PRSS54: variants seen among roughly 807,000 people sequenced by gnomAD.
PRSS54 encodes serine protease 54.
Under a neutral mutation model 19.9 loss-of-function variants are expected in PRSS54, and 16 were observed. The observed-to-expected ratio is 0.80, with a 90% CI of 0.54 to 1.22. PRSS54 has a LOEUF of 1.22. Among genes scored for constraint, PRSS54 ranks in the 50% most tolerant of loss-of-function variants. PRSS54 has a pLI of 0.00. For synonymous variants in PRSS54, 177 were observed against 195.8 expected, an observed-to-expected ratio of 0.90 and a Z score of 0.80; for missense variants, 444 against 494.8, an observed-to-expected ratio of 0.90 and a Z score of 0.97.
chr16:58,286,730 A>T (rs1412366845), intron 4 of PRSS54, among the ~76,000 whole-genome samples: 2 of 152,206 alleles, frequency 1.3e-5, no homozygotes, highest in East Asian at 3.8e-4. Flanking sequence ...AATGAGGAAC[A>T]AATACAAACA....
chr16:58,282,393 C>G (rs1449743391), intron 6 of PRSS54: 1 of 152,284 alleles, frequency 6.6e-6, no homozygotes, highest in African/African-American at 2.4e-5. Context: ...CCGCCTCGCC[C>G]TCTCAAAGTG....
chr16:58,290,857 C>T (rs899006972), intron 4 of PRSS54, 102 bp downstream of exon 4: 21 of 1,320,254 alleles, frequency 1.6e-5, no homozygotes, highest in Non-Finnish European at 1.9e-5. Context: ...CCTGTCCCCC[C>T]AGAATGCACC....
chr16:58,291,627 G>A (rs1031979695), intron 3 of PRSS54, among the ~76,000 whole-genome samples: 4 of 151,848 alleles, frequency 2.6e-5, no homozygotes, highest in East Asian at 3.9e-4. Context: ...GACTACAGGC[G>A]CCTGCCACTA....
chr16:58,289,594 T>C (rs11864771), intron 4 of PRSS54, among the ~76,000 whole-genome samples: 15,455 of 149,704 alleles, frequency 0.1, 880 homozygotes, highest in Admixed American at 0.13. Flanking sequence ...TTTTTGGACA[T>C]GGAATCTCGC....
At chr16:58,288,956 C>T (rs28463878) in intron 4 of PRSS54, among the ~76,000 whole-genome samples, 18,414 of 152,092 alleles carry the variant, frequency 0.12, 1,145 homozygotes, top group Non-Finnish European at 0.15. Flanking sequence ...AACTCAATTG[C>T]GTTCTCTTGA....
Position 58,291,229 on chromosome 16 carries a change from A to G in PRSS54, c.86-93T>C. ...GTCTGTCTCGATCATCACTAACGCT[A>G]TCCGCAACCCCTTTTCTTTCTTTTG... On this transcript the variant is annotated intron_variant, in intron 3 of 6. Transcript: ENST00000567164. 4.3e-6 allele frequency: 5 copies of G among 1,157,144 alleles called. No homozygotes were observed. In the African/African-American group the frequency reaches 6.2e-5, roughly 14 times the overall value. The allele number at this position is 1,157,144 out of a possible 1,614,324, so 71.7% of individuals were successfully genotyped here.
At chr16:58,293,232 T>C (rs1965076718) in intron 3 of PRSS54, among the ~76,000 whole-genome samples, 1 of 152,144 alleles carries the variant, frequency 6.6e-6, no homozygotes, top group Non-Finnish European at 1.5e-5. Context: ...CCCCTCCACC[T>C]GCCCTCTGTA....
Position 58,280,356 on chromosome 16 carries a change from T to C in PRSS54, c.1056A>G (p.Gln352=). ...ESGRSPEASV[Q]PLYYDYYGGE... is the part of the protein sequence containing the mutation. ...CACCGTAATAGTCATAGTATAAGGG[T>C]TGTACAGACGCCTCAGGAGACCTGC... Residue 352 remains glutamine, a synonymous_variant, in exon 7 of 7, where the codon CAA becomes CAG. Coordinates refer to ENST00000567164, the MANE Select transcript of PRSS54 (RefSeq NM_001305173.2). 3.1e-6 allele frequency: 5 copies of C among 1,614,108 alleles called. No individual in the cohort carries two copies. Among genetic ancestry groups the C allele is most frequent in the Non-Finnish European group, 4.2e-6 (5 of 1,180,016 alleles).
At chr16:58,293,890 T>G (rs527626547) in intron 2 of PRSS54, 68 bp from the exon 3 acceptor site, 69 of 1,305,052 alleles carry the variant, frequency 5.3e-5, no homozygotes, top group South Asian at 2.8e-4. Context: ...ATGCCTCTTT[T>G]TTCCATCCTC....
chr16:58,290,964 C>G lies in PRSS54; in HGVS notation c.258G>C (p.Gln86His), dbSNP rs1268292552. ...FWVLSIASAI[Q>H]NRKDIVVIVG... ...CCAAAGGCAGGGGCACTGGCCTGTTCTGAATGGCGGATGCGATGCTGAGGA... is the reference window on the plus strand; with the variant it reads ...CCAAAGGCAGGGGCACTGGCCTGTTGTGAATGGCGGATGCGATGCTGAGGA... Residue 86 changes from glutamine (Q) to histidine (H), a missense_variant, in exon 4 of 7, where the codon CAG becomes CAC. Physicochemically the swap from Gln to His is conservative, Grantham distance 24. Coordinates refer to ENST00000567164, the MANE Select transcript of PRSS54 (RefSeq NM_001305173.2). 3 of 1,614,056 alleles carry G rather than the reference C, an allele frequency of 1.9e-6. No individual in the cohort carries two copies. The highest frequency in any genetic ancestry group is 2.5e-6 in the Non-Finnish European group (3 of 1,180,024).
chr16:58,281,893 AG>A (rs1405121738), intron 6 of PRSS54: 2 of 152,366 alleles, frequency 1.3e-5, no homozygotes, highest in Non-Finnish European at 2.9e-5. Context: ...CCAAGGCTGG[AG>A]TGCAGTGGTG....
At chr16:58,284,784 A>G (rs930087326) in intron 5 of PRSS54, 63 bp from the exon 6 acceptor site, 2 of 1,597,028 alleles carry the variant, frequency 1.3e-6, no homozygotes, top group African/African-American at 2.7e-5. Flanking sequence ...ATGTCAACAC[A>G]ACTCCCACTC....
Position 58,285,944 on chromosome 16 carries a change from G to A in PRSS54, c.515C>T (p.Thr172Ile). 6.2e-7 allele frequency: 1 copy of A among 1,614,096 alleles called. No individual in the cohort carries two copies. Among genetic ancestry groups the A allele is most frequent in the Non-Finnish European group, 8.5e-7 (1 of 1,179,980 alleles). The change falls in exon 5 of 7, where the codon ACA becomes ATA. Residue 172 changes from threonine to isoleucine, a missense_variant. Thr to Ile is a moderately conservative substitution (Grantham distance 89). Coordinates refer to ENST00000567164, the MANE Select transcript of PRSS54 (RefSeq NM_001305173.2). ...GAGGAGGAATGCCTTAACTGCAGAT[G>A]TGGGATTCCATCCTGACACCCAGCA... ...QNCWVSGWNP[T>I]SATGNHMTMS...
chr16:58,286,145 A>G lies in PRSS54; in HGVS notation c.314T>C (p.Ile105Thr). Residue 105 changes from isoleucine (I) to threonine (T), a missense_variant, in exon 5 of 7, where the codon ATT (isoleucine) becomes ACT (threonine). Physicochemically the swap from Ile to Thr is moderately conservative, Grantham distance 89. Coordinates refer to ENST00000567164, the MANE Select transcript of PRSS54 (RefSeq NM_001305173.2). Reference protein sequence around the residue: ...VGISNMDPSKIAHTEYPVNTI... With the variant: ...VGISNMDPSKTAHTEYPVNTI... Reference sequence around the variant, plus strand: ...ATTGACTGGATACTCTGTGTGAGCAATCTTGCTAGGATCCATGTTACTTAT... The same window carrying G: ...ATTGACTGGATACTCTGTGTGAGCAGTCTTGCTAGGATCCATGTTACTTAT... The G allele has an allele frequency of 6.2e-7, 1 of 1,614,174 alleles. No homozygotes were observed.
At chr16:58,283,223 T>C (rs916485609) in intron 6 of PRSS54, 9 of 152,248 alleles carry the variant, frequency 5.9e-5, no homozygotes, top group Admixed American at 5.2e-4. Context: ...TGGTTGATTC[T>C]ACATGTGGGA....
At chr16:58,282,867 T>G (rs1567513265) in intron 6 of PRSS54, 1 of 152,142 alleles carries the variant, frequency 6.6e-6, no homozygotes, top group Non-Finnish European at 1.5e-5. Flanking sequence ...ATTGGATGAG[T>G]GATTGGTAGA....
intron 4 of PRSS54, 76 bp from the exon 5 acceptor site, chr16:58,286,271 G>A (rs1964920201): frequency 1.3e-6 from 2 of 1,516,654 alleles, no homozygotes; most frequent in Admixed American, 1.7e-5. Flanking sequence ...TCCCATTTAA[G>A]TTTTTTCAGC....
At chr16:58,290,884 G>C in intron 4 of PRSS54, 75 bp downstream of exon 4, 1 of 1,533,212 alleles carries the variant, frequency 6.5e-7, no homozygotes, top group African/African-American at 1.4e-5. Context: ...GGCCTCCCCA[G>C]GCTGAGCAGG....
At chr16:58,283,531 A>G (rs1964835801) in intron 6 of PRSS54, 1 of 152,108 alleles carries the variant, frequency 6.6e-6, no homozygotes, top group African/African-American at 2.4e-5. Flanking sequence ...AACGGGCAGC[A>G]TTTTTTTCTT....
Sources: allele counts gnomAD v4.1 joint callset (sites outside exome capture counted in the v4.1 genomes callset), GRCh38; gene constraint gnomAD v4.1.1; transcripts MANE v1.5; gene names NCBI Gene and HGNC (gene_info 2026-07-23, HGNC 2026-07-21).